Variants in YARS2 observed in about 807,000 individuals in gnomAD.
YARS2 encodes tyrosyl-tRNA synthetase 2.
In YARS2, 38 loss-of-function variants were observed where a neutral mutation model predicts 45.0. That is an observed-to-expected ratio of 0.84 (90% CI 0.65 to 1.11). The LOEUF is 1.11. Among genes scored for constraint, YARS2 ranks in the 50% least tolerant of loss-of-function variants. The probability of loss-of-function intolerance (pLI) is 0.00; values close to 1 mark genes in which losing one functional copy is unlikely to be tolerated. For synonymous variants in YARS2, 287 were observed against 245.1 expected (o/e 1.17, Z -1.60); for missense variants, 602 against 599.8 (o/e 1.00, Z -0.04).
intron 4 of YARS2, among the ~76,000 whole-genome samples, chr12:32,749,691 C>T (rs1419737303): frequency 3.3e-5 from 5 of 152,170 alleles, no homozygotes; most frequent in African/African-American, 1.2e-4. Flanking sequence ...TGCCATTCTC[C>T]TGCCTCAGCC....
intron 3 of YARS2, 102 bp downstream of exon 3, chr12:32,750,617 C>T: frequency 6.8e-7 from 1 of 1,478,872 alleles, no homozygotes; most frequent in Non-Finnish European, 9.3e-7. Context: ...ACTGACAGTC[C>T]TTGTGATAAA....
intron 4 of YARS2, 59 bp from the exon 5 acceptor site, chr12:32,747,422 A>C (rs889453604): frequency 1.5e-5 from 24 of 1,562,468 alleles, no homozygotes; most frequent in Admixed American, 8.4e-5. Flanking sequence ...TCTGTCCCCC[A>C]AAAAAGACTG....
intron 1 of YARS2, 23 bp downstream of exon 1, chr12:32,755,072 TC>T (rs1955821554): frequency 6.2e-7 from 1 of 1,613,990 alleles, no homozygotes; most frequent in African/African-American, 1.3e-5. Flanking sequence ...TCCCAGGATT[TC>T]CCCAAGGTTT....
intron 2 of YARS2, among the ~76,000 whole-genome samples, chr12:32,751,543 T>C (rs1354786113): frequency 6.6e-6 from 1 of 152,178 alleles, no homozygotes; most frequent in African/African-American, 2.4e-5. Context: ...ACTGTGTAAT[T>C]TTAAAAACTG....
Position 32,755,412 on chromosome 12 carries a change from G to T in YARS2, c.463C>A (p.His155Asn), listed in dbSNP as rs549162113. 1 of 1,613,722 alleles carries T rather than the reference G, an allele frequency of 6.2e-7. No individual in the cohort carries two copies. The highest frequency in any genetic ancestry group is 1.3e-5 in the African/African-American group (1 of 75,070). ...CGCCCATCAGTGAAAAGCTGCTGGT[G>T]ATTAGCCGCCAGGGCCTCAAGCCCT... Reference protein sequence around the residue: ...RLGLEALAANHQQLFTDGRSW... With the variant: ...RLGLEALAANNQQLFTDGRSW... The change falls in exon 1 of 5, where the codon CAC becomes AAC. Residue 155 changes from histidine to asparagine, a missense_variant. Coordinates refer to ENST00000324868, the MANE Select transcript of YARS2 (RefSeq NM_001040436.3).
chr12:32,755,131 T>C lies in YARS2; in HGVS notation c.744A>G (p.Leu248=). 6.2e-7 allele frequency: 1 copy of C among 1,614,192 alleles called. No individual in the cohort carries two copies. Among genetic ancestry groups the C allele is most frequent in the Non-Finnish European group, 8.5e-7 (1 of 1,180,044 alleles). ...CRVQLGGSDQ[L]GNIMSGYEFI... is the part of the protein sequence containing the mutation. ...ACTCATATCCGGACATGATGTTGCC[T>C]AGTTGATCAGATCCGCCCAGCTGGA... Residue 248 remains leucine (L), a synonymous_variant, in exon 1 of 5, where the codon CTA becomes CTG. Transcript: ENST00000324868.
rs1480210445 is a variant in YARS2, at chr12:32,755,884, G to T, written c.-10C>A. ...AGATGGGCGCCGCCATCTTGGTAGC[G>T]GCACGAAGGGAATGCTGGGATTGCA... On this transcript the variant is annotated 5_prime_UTR_variant, in exon 1 of 5. Transcript: ENST00000324868. The T allele has an allele frequency of 1.2e-5, 20 of 1,612,670 alleles. No homozygotes were observed. The highest frequency in any genetic ancestry group is 1.5e-5 in the Non-Finnish European group (18 of 1,179,996).
intron 4 of YARS2, among the ~76,000 whole-genome samples, chr12:32,748,877 C>G (rs762368458): frequency 3.9e-5 from 6 of 152,210 alleles, no homozygotes; most frequent in Non-Finnish European, 7.3e-5. Flanking sequence ...TGTGTGAACT[C>G]CTGCAAAAGA....
At chr12:32,748,307 C>A (rs1955679759) in intron 4 of YARS2, among the ~76,000 whole-genome samples, 1 of 152,206 alleles carries the variant, frequency 6.6e-6, no homozygotes, top group South Asian at 2.1e-4. Context: ...CCATACCTGG[C>A]CATGGACATG....
chr12:32,750,930 C>T, intron 2 of YARS2, 56 bp from the exon 3 acceptor site: 1 of 1,592,932 alleles, frequency 6.3e-7, no homozygotes, highest in African/African-American at 1.3e-5. Context: ...TTTTTATCTC[C>T]AGCTCTTCTA....
Position 32,746,800 on chromosome 12 carries a change from A to T in YARS2, c.*404T>A. The T allele has an allele frequency of 5.6e-6, 1 of 177,972 alleles. No individual in the cohort carries two copies. Among genetic ancestry groups the T allele is most frequent in the Non-Finnish European group, 1.2e-5 (1 of 84,976 alleles). The allele number at this position is 177,972 out of a possible 1,614,324, so 11.0% of individuals were successfully genotyped here. A position where few individuals can be genotyped will look rare whatever the true frequency, so the allele number is the denominator to read the frequency against. ...CGATTTGCCCACCTTGGCCTCCCGAAGTGCTGGGATTACAGGTGTGAGCCA... is the reference window on the plus strand; with the variant it reads ...CGATTTGCCCACCTTGGCCTCCCGATGTGCTGGGATTACAGGTGTGAGCCA... On this transcript the variant is annotated 3_prime_UTR_variant, in exon 5 of 5. Coordinates refer to ENST00000324868, the MANE Select transcript of YARS2 (RefSeq NM_001040436.3).
chr12:32,755,157 C>A lies in YARS2; in HGVS notation c.718G>T (p.Val240Phe), dbSNP rs1389897757. 6.2e-7 allele frequency: 1 copy of A among 1,614,076 alleles called. No homozygotes were observed. Among genetic ancestry groups the A allele is most frequent in the African/African-American group, 1.3e-5 (1 of 74,916 alleles). ...AGTTGATCAGATCCGCCCAGCTGGA[C>A]CCTGCATCCATAACGCTGGAAGAGG... ...YYLFQRYGCR[V>F]QLGGSDQLGN... The change falls in exon 1 of 5, where the codon GTC (valine) becomes TTC (phenylalanine). Residue 240 changes from valine to phenylalanine, a missense_variant. Physicochemically the swap from Val to Phe is conservative, Grantham distance 50. Coordinates refer to ENST00000324868, the MANE Select transcript of YARS2 (RefSeq NM_001040436.3).
At position 32,753,946 on chromosome 12, in the gene YARS2, C is replaced by CA. The variant is rs1955795997; in HGVS notation, c.918dup (p.Val307CysfsTer24). On this transcript the variant is annotated frameshift_variant, in exon 2 of 5. Coordinates refer to ENST00000324868, the MANE Select transcript of YARS2 (RefSeq NM_001040436.3). LOFTEE classifies it high-confidence loss of function. ...TCCACTGAATCGTCCGGTTGCCTGA[C>CA]AAAGAATTGATACAATTCAAATGGA... 1 of 1,614,070 alleles carries CA rather than the reference C, an allele frequency of 6.2e-7. No individual in the cohort carries two copies. The highest frequency in any genetic ancestry group is 1.3e-5 in the African/African-American group (1 of 74,930).
Position 32,754,004 on chromosome 12 carries a change from G to A in YARS2, c.861C>T (p.Gly287=). ...TATCTCTGTTTAGCCAAACAGCGTT[G>A]CCAGCAGACTTTCCCAGCTTTGCTC... ...TTGAKLGKSA[G]NAVWLNRDKT... The change falls in exon 2 of 5, where the codon GGC becomes GGT. Residue 287 remains glycine (G), a synonymous_variant. Transcript: ENST00000324868. The A allele has an allele frequency of 6.2e-7, 1 of 1,614,184 alleles. No homozygotes were observed. The highest frequency in any genetic ancestry group is 8.5e-7 in the Non-Finnish European group (1 of 1,180,022).
chr12:32,752,740 C>CAAAAAAA (rs56907654), intron 2 of YARS2: 43 of 196,772 alleles, frequency 2.2e-4, no homozygotes, highest in Middle Eastern at 1.7e-3. Flanking sequence ...GACACTGCCT[C>CAAAAAAA]AAAAAAAAAA....
chr12:32,752,444 A>AT (rs567298470), intron 2 of YARS2, among the ~76,000 whole-genome samples: 1 of 152,130 alleles, frequency 6.6e-6, no homozygotes, highest in Non-Finnish European at 1.5e-5. Context: ...AGAAAATGCA[A>AT]TTTTTGAAAA....
chr12:32,747,368 A>G lies in YARS2; in HGVS notation c.1275-5T>C, dbSNP rs897331039. The stretch of plus-strand genomic sequence containing the variant: ...CCTTCTGTTATCATTCGATACCTAA[A>G]AAATAGAAACGTTTAGTAAGTAGAG... On this transcript the variant is annotated splice_region_variant and splice_polypyrimidine_tract_variant and intron_variant, in intron 4 of 4. Transcript: ENST00000324868. The G allele has an allele frequency of 3.1e-6, 5 of 1,613,470 alleles. No individual in the cohort carries two copies. The highest frequency in any genetic ancestry group is 4.2e-6 in the Non-Finnish European group (5 of 1,179,970).
At chr12:32,747,464 A>G (rs1955663911) in intron 4 of YARS2, 101 bp from the exon 5 acceptor site, 4 of 1,258,990 alleles carry the variant, frequency 3.2e-6, no homozygotes, top group Non-Finnish European at 4.6e-6. Context: ...TCTCCAATTG[A>G]GAAGATTTCA....
Position 32,747,087 on chromosome 12 carries a change from G to T in YARS2, c.*117C>A. 3 of 992,834 alleles carry T rather than the reference G, an allele frequency of 3.0e-6. No homozygotes were observed. Among genetic ancestry groups the T allele is most frequent in the South Asian group, 1.4e-5 (1 of 69,362 alleles). The allele number at this position is 992,834 out of a possible 1,614,324, so 61.5% of individuals were successfully genotyped here. Reference sequence around the variant, plus strand: ...ATGAAGTTACTCACACTGAGTCCTAGTCCATTCTGTTTTTCTGATTTGCAT... The same window carrying T: ...ATGAAGTTACTCACACTGAGTCCTATTCCATTCTGTTTTTCTGATTTGCAT... On this transcript the variant is annotated 3_prime_UTR_variant, in exon 5 of 5. Coordinates refer to ENST00000324868, the MANE Select transcript of YARS2 (RefSeq NM_001040436.3).
Sources: gnomAD v4.1 joint callset for allele counts (sites outside exome capture counted in the v4.1 genomes callset) on GRCh38, gnomAD v4.1.1 for gene constraint, MANE v1.5 for transcripts, NCBI Gene and HGNC (gene_info 2026-07-23, HGNC 2026-07-21) for gene names.